The following CCDC59 variants were observed in gnomAD, a reference collection of about 807,000 sequenced individuals.
CCDC59 encodes the protein coiled-coil domain containing 59.
In CCDC59, 27 loss-of-function variants were observed where a neutral mutation model predicts 30.5. That is an observed-to-expected ratio of 0.89 (90% CI 0.65 to 1.22). The LOEUF (loss-of-function observed/expected upper bound fraction) is 1.22, where lower values mean the gene tolerates loss of function less well. Among genes scored for constraint, CCDC59 ranks in the 50% most tolerant of loss-of-function variants. The pLI is 0.00. For missense variants in CCDC59, 362 were observed against 284.4 expected (o/e 1.27, Z -1.96); for synonymous variants, 125 against 100.9 (o/e 1.24, Z -1.43).
Position 82,358,361 on chromosome 12 carries a change from G to A in CCDC59, c.16C>T (p.Arg6Trp), listed in dbSNP as rs145394071. Residue 6 changes from arginine (R) to tryptophan (W), a missense_variant, in exon 1 of 4, where the codon CGG becomes TGG. Coordinates refer to ENST00000256151, the MANE Select transcript of CCDC59 (RefSeq NM_014167.5). Reference protein sequence around the residue: MAPVRRSAKWRPGGIE... With the variant: MAPVRWSAKWRPGGIE... ...CCACCAGGCCGCCACTTCGCGGACC[G>A]CCTCACCGGCGCCATTGCAGCCGAC... The A allele has an allele frequency of 6.8e-6, 11 of 1,613,418 alleles. No homozygotes were observed. The highest frequency in any genetic ancestry group is 4.5e-5 in the East Asian group (2 of 44,874).
rs767030736 is a variant in CCDC59, at chr12:82,354,611, G to A, written c.465-17C>T. ...GTAAAGGAGCTTTTAATTGGGGGAT[G>A]AGGAAACAGGACTTTATTAGTAAAA... On this transcript the variant is annotated splice_polypyrimidine_tract_variant and intron_variant, in intron 2 of 3. Transcript: ENST00000256151. The A allele has an allele frequency of 1.5e-5, 23 of 1,554,352 alleles. No homozygotes were observed. Among genetic ancestry groups the A allele is most frequent in the Non-Finnish European group, 5.2e-6 (6 of 1,148,430 alleles).
At chr12:82,357,396 T>G in intron 1 of CCDC59, 127 bp from the exon 2 acceptor site, 1 of 774,736 alleles carries the variant, frequency 1.3e-6, no homozygotes, top group Non-Finnish European at 2.0e-6. Context: ...TATATTTTGC[T>G]TTAAAAAATT....
intron 2 of CCDC59, chr12:82,356,710 A>C: frequency 2.9e-6 from 1 of 350,674 alleles, no homozygotes; most frequent in Non-Finnish European, 5.2e-6. Context: ...TACCACCTGT[A>C]CTTGAGAGGA....
rs757656871 is a variant in CCDC59 at position 82,353,279 on chromosome 12, C to T, written c.598G>A (p.Ala200Thr). 4 of 1,607,502 alleles carry T rather than the reference C, an allele frequency of 2.5e-6. No homozygotes were observed. Among genetic ancestry groups the T allele is most frequent in the Admixed American group, 3.4e-5 (2 of 58,594 alleles). ...FERRKQEREE[A>T]QRQYKKKKME... The stretch of plus-strand genomic sequence containing the variant: ...TTCTTCTTTTTGTACTGCCTTTGGG[C>T]TTCTTCTCTCTCCTGTTTTCTCCTC... The change falls in exon 4 of 4, where the codon GCC becomes ACC. Residue 200 changes from alanine (A) to threonine (T), a missense_variant. Ala to Thr is a moderately conservative substitution (Grantham distance 58). Transcript: ENST00000256151.
At chr12:82,354,436 T>C in intron 3 of CCDC59, 59 bp downstream of exon 3, 3 of 1,313,188 alleles carry the variant, frequency 2.3e-6, no homozygotes, top group Non-Finnish European at 1.0e-6. Context: ...ACAGGTATAG[T>C]ATATATATTT....
intron 2 of CCDC59, chr12:82,355,646 G>A (rs1880985026): frequency 6.6e-6 from 1 of 152,136 alleles, no homozygotes; most frequent in South Asian, 2.1e-4. Flanking sequence ...CATTCCAATT[G>A]ACAGAAACTG....
upstream of CCDC59, chr12:82,358,566 A>G (rs1209486173): frequency 4.3e-6 from 7 of 1,609,904 alleles, no homozygotes. Context: ...GGTGAGCGTC[A>G]TGGCGGCTTC....
chr12:82,353,463 G>A (rs1171380616), intron 3 of CCDC59, 151 bp from the exon 4 acceptor site: 1 of 590,506 alleles, frequency 1.7e-6, no homozygotes, highest in East Asian at 2.9e-5. Flanking sequence ...TTGAAGCAAA[G>A]TACCCTCTTT....
chr12:82,354,441 A>G, intron 3 of CCDC59, 54 bp downstream of exon 3: 3 of 1,340,294 alleles, frequency 2.2e-6, no homozygotes, highest in South Asian at 1.4e-5. Context: ...TATAGTATAT[A>G]TATTTAGGAT....
At chr12:82,355,180 G>A (rs1880971156) in intron 2 of CCDC59, 1 of 152,306 alleles carries the variant, frequency 6.6e-6, no homozygotes, top group African/African-American at 2.4e-5. Flanking sequence ...TAGCGACTTT[G>A]GACTAGTGAC....
chr12:82,355,101 TTCCTC>T (rs992575719), intron 2 of CCDC59: 10 of 152,640 alleles, frequency 6.6e-5, no homozygotes, highest in African/African-American at 1.9e-4. Flanking sequence ...TAACTTTACT[TTCCTC>T]TATCATTCAA....
Position 82,352,767 on chromosome 12 carries a change from A to G in CCDC59, c.*384T>C, listed in dbSNP as rs1880865872. The G allele has an allele frequency of 1.3e-5, 2 of 155,850 alleles. No individual in the cohort carries two copies. Among genetic ancestry groups the G allele is most frequent in the Admixed American group, 6.4e-5 (1 of 15,712 alleles). The allele number at this position is 155,850 out of a possible 1,614,324, so 9.7% of individuals were successfully genotyped here. A position where few individuals can be genotyped will look rare whatever the true frequency, so the allele number is the denominator to read the frequency against. On this transcript the variant is annotated 3_prime_UTR_variant, in exon 4 of 4. Coordinates refer to ENST00000256151, the MANE Select transcript of CCDC59 (RefSeq NM_014167.5). ...AGTCTTTGCCTCCCTCATCATTAAA[A>G]TAAATTTTAAAACAACGTAACTGTT...
chr12:82,353,432 G>A, intron 3 of CCDC59, 120 bp from the exon 4 acceptor site: 3 of 724,074 alleles, frequency 4.1e-6, no homozygotes, highest in Non-Finnish European at 6.5e-6. Flanking sequence ...TATTTTGCAA[G>A]ATGTGCACTG....
At chr12:82,358,544 A>G (rs369708308), upstream of CCDC59, 6 of 1,605,094 alleles carry the variant, frequency 3.7e-6, no homozygotes, top group Admixed American at 1.7e-5. Context: ...TGCGCCACCT[A>G]CAGCCTCGGA....
upstream of CCDC59, chr12:82,358,777 C>T: frequency 6.2e-7 from 1 of 1,613,808 alleles, no homozygotes; most frequent in Non-Finnish European, 8.5e-7. Flanking sequence ...GAGACGGAGG[C>T]CCTGCCCTCA....
rs1447162383 is a variant in CCDC59, at chr12:82,353,291, CCT to C, written c.584_585del (p.Gln195ArgfsTer18). On this transcript the variant is annotated frameshift_variant, in exon 4 of 4. Coordinates refer to ENST00000256151, the MANE Select transcript of CCDC59 (RefSeq NM_014167.5). LOFTEE classifies it high-confidence loss of function. The part of the protein sequence containing the change: ...AKKQEFERRK[Q>X]EREEAQRQYK... ...TACTGCCTTTGGGCTTCTTCTCTCTCCTGTTTTCTCCTCTCGAATTCCTAAAA... is the reference window on the plus strand; with the variant it reads ...TACTGCCTTTGGGCTTCTTCTCTCTCGTTTTCTCCTCTCGAATTCCTAAAA... The C allele has an allele frequency of 3.1e-6, 5 of 1,602,444 alleles. No homozygotes were observed. Among genetic ancestry groups the C allele is most frequent in the South Asian group, 1.1e-5 (1 of 88,284 alleles).
At chr12:82,355,289 G>T (rs2136748070) in intron 2 of CCDC59, 1 of 152,274 alleles carries the variant, frequency 6.6e-6, no homozygotes, top group Non-Finnish European at 1.5e-5. Flanking sequence ...TGGTTTCCCT[G>T]TTCCACGGTT....
Position 82,352,760 on chromosome 12 carries a change from CATT to C in CCDC59, c.*388_*390del, listed in dbSNP as rs1565783639. 6.4e-6 allele frequency: 1 copy of C among 155,636 alleles called. No individual in the cohort carries two copies. The highest frequency in any genetic ancestry group is 1.4e-5 in the Non-Finnish European group (1 of 70,438). The allele number at this position is 155,636 out of a possible 1,614,324, so 9.6% of individuals were successfully genotyped here. A position where few individuals can be genotyped will look rare whatever the true frequency, so the allele number is the denominator to read the frequency against. ...CAAGAGGAGTCTTTGCCTCCCTCAT[CATT>C]AAAATAAATTTTAAAACAACGTAAC... On this transcript the variant is annotated 3_prime_UTR_variant, in exon 4 of 4. Coordinates refer to ENST00000256151, the MANE Select transcript of CCDC59 (RefSeq NM_014167.5).
At chr12:82,353,396 G>C in intron 3 of CCDC59, 84 bp from the exon 4 acceptor site, 3 of 1,067,432 alleles carry the variant, frequency 2.8e-6, no homozygotes, top group Non-Finnish European at 4.0e-6. Context: ...CTATTACTAA[G>C]CAAACACTCT....
Sources: allele counts gnomAD v4.1 joint callset, GRCh38; gene constraint gnomAD v4.1.1; transcripts MANE v1.5; gene names NCBI Gene and HGNC (gene_info 2026-07-23, HGNC 2026-07-21).